NPAS3: variants seen among roughly 807,000 people sequenced by gnomAD.
NPAS3 encodes the protein neuronal PAS domain protein 3, also known as neuronal PAS domain-containing protein 3.
Under a neutral mutation model 73.1 loss-of-function variants are expected in NPAS3, and 14 were observed. That is an observed-to-expected ratio of 0.19 (90% confidence interval 0.13 to 0.30). The LOEUF (loss-of-function observed/expected upper bound fraction) is 0.30, where lower values mean the gene tolerates loss of function less well. Ranked by LOEUF, NPAS3 falls within the 10% of genes least tolerant of loss-of-function variation. The pLI is 1.00. For synonymous variants in NPAS3, 620 were observed against 541.5 expected (o/e 1.14, Z -2.01); for missense variants, 1,096 against 1,250.0 (o/e 0.88, Z 1.86).
At chr14:33,502,842 G>A (rs12893302) in intron 4 of NPAS3, among the ~76,000 whole-genome samples, 1,717 of 151,926 alleles carry the variant, frequency 0.011, 15 homozygotes, top group Non-Finnish European at 0.019. Context: ...TTACCAATCC[G>A]TCTCTGCACT....
intron 2 of NPAS3, among the ~76,000 whole-genome samples, chr14:33,161,925 G>C (rs1274413750): frequency 6.6e-6 from 1 of 152,208 alleles, no homozygotes; most frequent in Non-Finnish European, 1.5e-5. Context: ...CCTGAGCCAT[G>C]AAGGCTGAGG....
chr14:33,117,952 A>C (rs1042414237), intron 2 of NPAS3, among the ~76,000 whole-genome samples: 4 of 152,106 alleles, frequency 2.6e-5, no homozygotes, highest in Non-Finnish European at 4.4e-5. Flanking sequence ...TTTAGGCAGG[A>C]TTGAGAAATA....
At chr14:33,163,834 G>A (rs1265666189) in intron 2 of NPAS3, among the ~76,000 whole-genome samples, 1 of 152,078 alleles carries the variant, frequency 6.6e-6, no homozygotes, top group Non-Finnish European at 1.5e-5. Context: ...ACTGGGAACT[G>A]GTACTAATTT....
At chr14:32,956,173 T>G (rs2036662453) in intron 1 of NPAS3, among the ~76,000 whole-genome samples, 1 of 152,164 alleles carries the variant, frequency 6.6e-6, no homozygotes, top group Non-Finnish European at 1.5e-5. Flanking sequence ...TCAATTATAA[T>G]TCCATAAAAT....
chr14:33,286,504 G>A (rs1347174661), intron 3 of NPAS3, among the ~76,000 whole-genome samples: 1 of 152,136 alleles, frequency 6.6e-6, no homozygotes, highest in Non-Finnish European at 1.5e-5. Flanking sequence ...CTATTGAAAG[G>A]ACTCTTAGTT....
chr14:33,252,489 T>A (rs1024004053), intron 3 of NPAS3, among the ~76,000 whole-genome samples: 2 of 152,024 alleles, frequency 1.3e-5, no homozygotes, highest in Non-Finnish European at 2.9e-5. Context: ...TCTTAATAAT[T>A]TAATATGCAA....
At chr14:33,795,211 C>T (rs1274715493) in intron 10 of NPAS3, among the ~76,000 whole-genome samples, 1 of 152,188 alleles carries the variant, frequency 6.6e-6, no homozygotes, top group Non-Finnish European at 1.5e-5. Context: ...TAGAGAGGGC[C>T]TTAATGTGCA....
downstream of NPAS3, chr14:33,801,190 C>T (rs1408881225): frequency 2.0e-6 from 3 of 1,512,538 alleles, no homozygotes; most frequent in Admixed American, 2.3e-5. Flanking sequence ...TTAATTCTAG[C>T]ACTTTGAATT....
chr14:33,054,207 A>G (rs2040805922), intron 1 of NPAS3, among the ~76,000 whole-genome samples: 1 of 152,180 alleles, frequency 6.6e-6, no homozygotes, highest in Admixed American at 6.5e-5. Context: ...GCTTTCTTGT[A>G]ACAGTTTTAC....
chr14:32,938,856 C>T (rs900405408), upstream of NPAS3, among the ~76,000 whole-genome samples: 6 of 146,118 alleles, frequency 4.1e-5, no homozygotes, highest in African/African-American at 1.5e-4. Context: ...GCCGCCTCCC[C>T]CTCCTCCTCC....
At chr14:33,036,278 G>A (rs553316194) in intron 1 of NPAS3, among the ~76,000 whole-genome samples, 1 of 152,236 alleles carries the variant, frequency 6.6e-6, no homozygotes, top group Non-Finnish European at 1.5e-5. Context: ...AGAAGAGGGA[G>A]AGTTGTATTA....
Position 33,123,448 on chromosome 14 carries a change from T to C in NPAS3, c.140+67454T>C, listed in dbSNP as rs538317910. On this transcript the variant is annotated intron_variant, in intron 2 of 11. Transcript: ENST00000356141. ...TATTTCAGCTGTCCCATCCTTTCAG[T>C]GTTTTATATGCCACCTGGTCCAGGC... Among the ~76,000 whole-genome samples the C allele has an allele frequency of 7.2e-5, 11 of 152,242 alleles. No individual in the cohort carries two copies. The East Asian group carries it at 1.5e-3, about 21-fold the overall frequency.
upstream of NPAS3, among the ~76,000 whole-genome samples, chr14:32,936,870 A>C (rs1285956088): frequency 6.6e-6 from 1 of 151,232 alleles, no homozygotes; most frequent in African/African-American, 2.4e-5. Flanking sequence ...TCCACTTTCA[A>C]CTTTGAATTT....
intron 3 of NPAS3, among the ~76,000 whole-genome samples, chr14:33,270,883 T>A (rs2041044526): frequency 6.6e-6 from 1 of 152,154 alleles, no homozygotes; most frequent in Admixed American, 6.5e-5. Flanking sequence ...CAGGGATCAC[T>A]GGAAATACCA....
intron 7 of NPAS3, among the ~76,000 whole-genome samples, chr14:33,771,455 A>T (rs2062649302): frequency 6.6e-6 from 1 of 152,178 alleles, no homozygotes; most frequent in Non-Finnish European, 1.5e-5. Context: ...TTTTTCAAAT[A>T]ACTTGAGCTT....
intron 6 of NPAS3, among the ~76,000 whole-genome samples, chr14:33,699,369 C>T (rs1196781987): frequency 6.6e-6 from 1 of 152,106 alleles, no homozygotes; most frequent in East Asian, 1.9e-4. Context: ...TGTAAATTTG[C>T]GTTGGCAATA....
chr14:33,366,236 G>C (rs538606058), intron 3 of NPAS3, among the ~76,000 whole-genome samples: 2 of 151,682 alleles, frequency 1.3e-5, no homozygotes, highest in South Asian at 4.2e-4. Context: ...TCTGTGAATA[G>C]TTCATTGCTC....
chr14:33,541,798 C>T (rs1046426709), intron 4 of NPAS3, among the ~76,000 whole-genome samples: 1 of 152,130 alleles, frequency 6.6e-6, no homozygotes, highest in Non-Finnish European at 1.5e-5. Context: ...CATGCTTTGC[C>T]TTCTTGGATT....
chr14:33,034,341 C>A (rs2040092679), intron 1 of NPAS3, among the ~76,000 whole-genome samples: 1 of 151,616 alleles, frequency 6.6e-6, no homozygotes, highest in Admixed American at 6.6e-5. Context: ...AGTCTTCATG[C>A]TCATTCTATT....
Sources: gnomAD v4.1 joint callset for allele counts (sites outside exome capture counted in the v4.1 genomes callset) on GRCh38, gnomAD v4.1.1 for gene constraint, MANE v1.5 for transcripts, NCBI Gene and HGNC (gene_info 2026-07-23, HGNC 2026-07-21) for gene names.